LGSN: variants seen among roughly 807,000 people sequenced by gnomAD.
LGSN encodes lengsin, lens protein with glutamine synthetase domain, also known as lengsin.
Under a neutral mutation model 19.5 loss-of-function variants are expected in LGSN, and 21 were observed. That is an observed-to-expected ratio of 1.07 (90% CI 0.76 to 1.55). The LOEUF is 1.55. Among genes scored for constraint, LGSN ranks in the 40% most tolerant of loss-of-function variants. The pLI, the probability that LGSN is intolerant of heterozygous loss-of-function variation, is 0.00. For missense variants in LGSN, 673 were observed against 608.5 expected (o/e 1.11, Z -1.12); for synonymous variants, 257 against 215.6 (o/e 1.19, Z -1.68).
At chr6:63,350,124 G>A in the LGSN span, among the ~76,000 whole-genome samples, 99 of 152,292 alleles carry the variant, frequency 6.5e-4, no homozygotes, top group African/African-American at 2.2e-3. Context: ...AGCAAAAACC[G>A]CAAATACTTT....
chr6:63,465,183 C>G, the LGSN span, among the ~76,000 whole-genome samples: 1 of 151,724 alleles, frequency 6.6e-6, no homozygotes, highest in Non-Finnish European at 1.5e-5. Flanking sequence ...GTTGTTGTTG[C>G]TCTTTGTTTG....
intron 1 of LGSN, among the ~76,000 whole-genome samples, chr6:63,317,974 A>T (rs529404883): frequency 2.0e-5 from 3 of 152,212 alleles, no homozygotes; most frequent in Non-Finnish European, 4.4e-5. Context: ...TTTAATTGTT[A>T]TGATATGCCA....
the LGSN span, among the ~76,000 whole-genome samples, chr6:63,376,329 A>AAT: frequency 6.6e-6 from 1 of 152,232 alleles, no homozygotes; most frequent in African/African-American, 2.4e-5. Context: ...CAATGCAGAT[A>AAT]ATAAACACCA....
the LGSN span, among the ~76,000 whole-genome samples, chr6:63,353,588 C>CAAAAAAAAAAA: frequency 3.1e-4 from 23 of 74,030 alleles, no homozygotes; most frequent in East Asian, 8.0e-4. Flanking sequence ...CAGTTTGTAG[C>CAAAAAAAAAAA]AAAAAAAAAA....
the LGSN span, among the ~76,000 whole-genome samples, chr6:63,330,823 G>A: frequency 6.1e-3 from 935 of 152,210 alleles, 7 homozygotes; most frequent in African/African-American, 0.021. Flanking sequence ...CCAAACTCTC[G>A]GGCTGCAGCT....
the LGSN span, among the ~76,000 whole-genome samples, chr6:63,560,353 A>AG: frequency 6.6e-6 from 1 of 151,222 alleles, no homozygotes; most frequent in African/African-American, 2.4e-5. Context: ...AAAAAAAAAA[A>AG]AAAAGAAAGA....
chr6:63,345,763 G>A, the LGSN span, among the ~76,000 whole-genome samples: 1 of 152,134 alleles, frequency 6.6e-6, no homozygotes, highest in Admixed American at 6.5e-5. Flanking sequence ...ATTGTCTACT[G>A]TGGGCAGCCA....
chr6:63,539,767 C>CAA, the LGSN span, among the ~76,000 whole-genome samples: 12,639 of 129,018 alleles, frequency 0.098, 565 homozygotes, highest in East Asian at 0.18. Flanking sequence ...GACTCTGTCT[C>CAA]AAAAAAAAAA....
chr6:63,484,311 T>A, the LGSN span, among the ~76,000 whole-genome samples: 2 of 152,142 alleles, frequency 1.3e-5, no homozygotes, highest in African/African-American at 4.8e-5. Flanking sequence ...AAGACCAGCC[T>A]GAACAACATG....
At chr6:63,539,679 G>A in the LGSN span, among the ~76,000 whole-genome samples, 1 of 151,914 alleles carries the variant, frequency 6.6e-6, no homozygotes, top group Admixed American at 6.6e-5. Flanking sequence ...TGAGGCAGGG[G>A]AATTGCTTGA....
the LGSN span, among the ~76,000 whole-genome samples, chr6:63,478,037 G>T: frequency 6.7e-6 from 1 of 150,188 alleles, no homozygotes; most frequent in East Asian, 1.9e-4. Flanking sequence ...TTAGTATTCT[G>T]TATTCTTGAA....
chr6:63,442,177 A>G, the LGSN span, among the ~76,000 whole-genome samples: 1 of 151,914 alleles, frequency 6.6e-6, no homozygotes, highest in African/African-American at 2.4e-5. Context: ...GTCCCTCCCA[A>G]TGCGTTTGTT....
the LGSN span, among the ~76,000 whole-genome samples, chr6:63,564,270 T>C: frequency 2.8e-5 from 4 of 144,604 alleles, no homozygotes; most frequent in Non-Finnish European, 6.0e-5. Flanking sequence ...AGCGAGACTC[T>C]GTCTCAAAAA....
chr6:63,539,517 C>T, the LGSN span, among the ~76,000 whole-genome samples: 1 of 152,146 alleles, frequency 6.6e-6, no homozygotes, highest in African/African-American at 2.4e-5. Context: ...TTGGCTCACT[C>T]CTGTAATCCC....
the LGSN span, among the ~76,000 whole-genome samples, chr6:63,485,462 T>C: frequency 6.6e-6 from 1 of 152,236 alleles, no homozygotes; most frequent in Non-Finnish European, 1.5e-5. Flanking sequence ...TGATTTCATG[T>C]CTTTGCTATT....
chr6:63,422,728 A>G, the LGSN span, among the ~76,000 whole-genome samples: 1 of 147,004 alleles, frequency 6.8e-6, no homozygotes, highest in South Asian at 2.1e-4. Context: ...AATAAATACT[A>G]TAGATAATCA....
At chr6:63,437,074 A>T in the LGSN span, among the ~76,000 whole-genome samples, 1 of 100,810 alleles carries the variant, frequency 9.9e-6, no homozygotes, top group Non-Finnish European at 2.0e-5. Context: ...AGGGAAGGGG[A>T]GGGGAGGGGA....
At chr6:63,461,768 T>C in the LGSN span, among the ~76,000 whole-genome samples, 2 of 152,238 alleles carry the variant, frequency 1.3e-5, no homozygotes, top group Admixed American at 6.5e-5. Flanking sequence ...TCTATTAATT[T>C]GTATTCCAAA....
chr6:63,524,130 C>A, the LGSN span, among the ~76,000 whole-genome samples: 1 of 151,866 alleles, frequency 6.6e-6, no homozygotes, highest in Non-Finnish European at 1.5e-5. Context: ...GACTACAGGC[C>A]CGCACCACCA....
Sources: allele counts gnomAD v4.1 joint callset (sites outside exome capture counted in the v4.1 genomes callset), GRCh38; gene constraint gnomAD v4.1.1; transcripts MANE v1.5; gene names NCBI Gene and HGNC (gene_info 2026-07-23, HGNC 2026-07-21).